The following ATP8A1 variants were observed in gnomAD, a reference collection of about 807,000 sequenced individuals.
ATP8A1 encodes phospholipid-transporting ATPase IA.
In ATP8A1, 90 loss-of-function variants were observed where a neutral mutation model predicts 177.7. The ratio of observed to expected loss-of-function variants is 0.51; its 90% confidence interval spans 0.43 to 0.60. The LOEUF is 0.60. Ranked by LOEUF, ATP8A1 falls within the 20% of genes least tolerant of loss-of-function variation. The pLI is 0.00. For missense variants in ATP8A1, 1,072 were observed against 1,392.8 expected, an observed-to-expected ratio of 0.77 and a Z score of 3.67; for synonymous variants, 493 against 485.9, an observed-to-expected ratio of 1.01 and a Z score of -0.19.
At position 42,581,911 on chromosome 4, in the gene ATP8A1, A is replaced by G. The variant is rs1733124130; in HGVS notation, c.723-179T>C. On this transcript the variant is annotated intron_variant, in intron 9 of 36. Transcript: ENST00000381668. ...AAACAGCAACGACACAAGTATTTAC[A>G]TTGCTTTTCCTTAACACCAACCAGT... 2.0e-5 allele frequency among the ~76,000 whole-genome samples: 3 copies of G among 152,172 alleles called. No individual in the cohort carries two copies. In the South Asian group the frequency reaches 6.2e-4, roughly 32 times the overall value.
chr4:42,592,379 A>C, intron 6 of ATP8A1, among the ~76,000 whole-genome samples: 1 of 152,150 alleles, frequency 6.6e-6, no homozygotes, highest in East Asian at 1.9e-4. Context: ...GAGTTTCTGA[A>C]GTTGGATAGA....
In ATP8A1 at chr4:42,574,490, C is replaced by A. The variant is rs529229969; in HGVS notation, c.1295+129G>T. 7 of 703,230 alleles carry A rather than the reference C, an allele frequency of 1.0e-5. No homozygotes were observed. The African/African-American group carries it at 1.3e-4, about 13-fold the overall frequency. The allele number at this position is 703,230 out of a possible 1,614,324, so 43.6% of individuals were successfully genotyped here. A position where few individuals can be genotyped will look rare whatever the true frequency, so the allele number is the denominator to read the frequency against. On this transcript the variant is annotated intron_variant, in intron 14 of 36. Transcript: ENST00000381668. Reference sequence around the variant, plus strand: ...ATATACATGTGTCCTAAAATTATAACAGCTGCTTTTCAGACTAAAAAAAAC... The same window carrying A: ...ATATACATGTGTCCTAAAATTATAAAAGCTGCTTTTCAGACTAAAAAAAAC...
At chr4:42,491,597 G>C (rs1712286782) in intron 24 of ATP8A1, among the ~76,000 whole-genome samples, 1 of 152,176 alleles carries the variant, frequency 6.6e-6, no homozygotes, top group Admixed American at 6.5e-5. Context: ...CAGTTTCATA[G>C]TGAAATAAAT....
intron 4 of ATP8A1, among the ~76,000 whole-genome samples, chr4:42,624,169 A>C (rs1737798989): frequency 6.6e-6 from 1 of 152,004 alleles, no homozygotes; most frequent in Non-Finnish European, 1.5e-5. Context: ...ATAAAATGAA[A>C]TTTATAATTA....
intron 7 of ATP8A1, chr4:42,588,567 G>A (rs1018540573): frequency 1.2e-5 from 5 of 413,462 alleles, no homozygotes; most frequent in African/African-American, 8.1e-5. Context: ...ACAACAATCA[G>A]TAATGGTCTT....
chr4:42,567,265 A>G (rs1266857761), intron 15 of ATP8A1, among the ~76,000 whole-genome samples: 1 of 152,216 alleles, frequency 6.6e-6, no homozygotes, highest in Admixed American at 6.5e-5. Context: ...GAGGCTGGGC[A>G]TGGTGGCTGA....
At chr4:42,560,250 T>C (rs945120444) in intron 15 of ATP8A1, among the ~76,000 whole-genome samples, 7 of 152,148 alleles carry the variant, frequency 4.6e-5, no homozygotes, top group Non-Finnish European at 7.4e-5. Context: ...TCGGTAAAGA[T>C]ACACTTGAAA....
At chr4:42,495,443 GT>G (rs1315652041) in intron 24 of ATP8A1, among the ~76,000 whole-genome samples, 5 of 152,112 alleles carry the variant, frequency 3.3e-5, no homozygotes, top group Admixed American at 2.6e-4. Context: ...GCTACTGCAG[GT>G]GGTAGTAAAA....
At position 42,590,796 on chromosome 4, in the gene ATP8A1, C is replaced by G; in HGVS notation, c.524+15G>C. On this transcript the variant is annotated intron_variant, in intron 7 of 36. Transcript: ENST00000381668. ...ACCCACATACACGCATCCTATACGA[C>G]TCAGTGGTTCTAACCTTGAGGACAG... 1 of 1,612,940 alleles carries G rather than the reference C, an allele frequency of 6.2e-7. No individual in the cohort carries two copies. The highest frequency in any genetic ancestry group is 8.5e-7 in the Non-Finnish European group (1 of 1,179,222).
chr4:42,494,992 A>G (rs909116216), intron 24 of ATP8A1, among the ~76,000 whole-genome samples: 6 of 152,240 alleles, frequency 3.9e-5, no homozygotes, highest in Non-Finnish European at 8.8e-5. Flanking sequence ...TAGTTTGCTA[A>G]GGCTCTACCT....
At chr4:42,576,475 C>CAAAAAAAAAAAAAAAAAAA (rs1159794343) in intron 12 of ATP8A1, among the ~76,000 whole-genome samples, 4 of 32,400 alleles carry the variant, frequency 1.2e-4, no homozygotes, top group Non-Finnish European at 1.9e-4. Flanking sequence ...GACGCCGTCT[C>CAAAAAAAAAAAAAAAAAAA]AAAAAAAAAA....
chr4:42,457,499 T>C (rs1577969799), intron 27 of ATP8A1, among the ~76,000 whole-genome samples: 3 of 152,338 alleles, frequency 2.0e-5, no homozygotes, highest in South Asian at 4.1e-4. Context: ...CTCTAATCTA[T>C]GAAGACACAG....
At chr4:42,547,446 CATT>C (rs1189061491) in intron 19 of ATP8A1, among the ~76,000 whole-genome samples, 3 of 152,194 alleles carry the variant, frequency 2.0e-5, no homozygotes, top group African/African-American at 7.2e-5. Context: ...CCACCTTCAT[CATT>C]GAGTCCTGAA....
chr4:42,570,711 A>AGAAGCTCTG (rs781614222), intron 14 of ATP8A1, among the ~76,000 whole-genome samples: 68 of 152,226 alleles, frequency 4.5e-4, no homozygotes, highest in South Asian at 8.3e-4. Flanking sequence ...TTGCTGCTCC[A>AGAAGCTCTG]GAAGCTCTGG....
At chr4:42,510,136 C>A (rs1325010833) in intron 22 of ATP8A1, among the ~76,000 whole-genome samples, 1 of 152,104 alleles carries the variant, frequency 6.6e-6, no homozygotes, top group Non-Finnish European at 1.5e-5. Context: ...GCAATCTAGA[C>A]CATTTTCTTT....
chr4:42,520,539 T>C (rs954560011), intron 22 of ATP8A1, among the ~76,000 whole-genome samples: 7 of 151,850 alleles, frequency 4.6e-5, no homozygotes, highest in Non-Finnish European at 1.0e-4. Flanking sequence ...TGTTAGGAAA[T>C]GGAGAGCGAG....
rs2153174683 is a variant in ATP8A1 at position 42,443,685 on chromosome 4, G to A, written c.3016-13C>T. 1 of 1,251,728 alleles carries A rather than the reference G, an allele frequency of 8.0e-7. No individual in the cohort carries two copies. Among genetic ancestry groups the A allele is most frequent in the Non-Finnish European group, 1.2e-6 (1 of 851,644 alleles). 77.5% of individuals were successfully genotyped at this position (1,251,728 alleles called of 1,614,324 possible). A position where few individuals can be genotyped will look rare whatever the true frequency, so the allele number is the denominator to read the frequency against. ...CTATGTGGCTGAACTGTAGAGCAAG[G>A]AAATCTGAGTCAAAAAAGTTTTATG... On this transcript the variant is annotated splice_polypyrimidine_tract_variant and intron_variant, in intron 32 of 36. Transcript: ENST00000381668.
At position 42,507,127 on chromosome 4, in the gene ATP8A1, T is replaced by C; in HGVS notation, c.1975A>G (p.Ile659Val). 2 of 1,613,938 alleles carry C rather than the reference T, an allele frequency of 1.2e-6. No homozygotes were observed. Among genetic ancestry groups the C allele is most frequent in the Non-Finnish European group, 1.7e-6 (2 of 1,179,926 alleles). The change falls in exon 23 of 37, where the codon ATT (isoleucine) becomes GTT (valine). Residue 659 changes from isoleucine to valine, a missense_variant. Physicochemically the swap from Ile to Val is conservative, Grantham distance 29 (BLOSUM62 3). This residue lies in a region of ATP8A1 where 388 missense variants were observed against 471.7 expected (regional missense o/e 0.82). Coordinates refer to ENST00000381668, the MANE Select transcript of ATP8A1 (RefSeq NM_006095.2). ...ACTTGATCTTGTAATTTATCCTCAA[T>C]GGCTGTTGCTCCAAGTAGCTGAAGA... ...KNLQLLGATAIEDKLQDQVPE... is the reference protein window; with the variant it reads ...KNLQLLGATAVEDKLQDQVPE...
chr4:42,465,685 G>T (rs187698109), intron 25 of ATP8A1, among the ~76,000 whole-genome samples: 42 of 152,190 alleles, frequency 2.8e-4, no homozygotes, highest in African/African-American at 9.9e-4. Flanking sequence ...AATCATATCT[G>T]GTATTAGATT....
Sources: gnomAD v4.1 joint callset for allele counts (sites outside exome capture counted in the v4.1 genomes callset) on GRCh38, gnomAD v4.1.1 for gene constraint, gnomAD v4.1.1 regional missense constraint, MANE v1.5 for transcripts, NCBI Gene and HGNC (gene_info 2026-07-23, HGNC 2026-07-21) for gene names.